The following STARD3 variants were observed in gnomAD, a reference collection of about 807,000 sequenced individuals.
The protein encoded by STARD3 is StAR related lipid transfer domain containing 3, also known as stAR-related lipid transfer protein 3.
Under a neutral mutation model 62.0 loss-of-function variants are expected in STARD3, and 39 were observed. That is an observed-to-expected ratio of 0.63 (90% confidence interval 0.49 to 0.82). STARD3 has a LOEUF of 0.82. STARD3 is among the 40% of genes least tolerant of loss of function. The probability of loss-of-function intolerance (pLI) is 0.00; values close to 1 mark genes in which losing one functional copy is unlikely to be tolerated. For synonymous variants in STARD3, 229 were observed against 242.4 expected (o/e 0.94, Z 0.51); for missense variants, 543 against 584.5 (o/e 0.93, Z 0.73).
chr17:39,654,158 G>A (rs2057104735), intron 2 of STARD3, among the ~76,000 whole-genome samples: 1 of 135,106 alleles, frequency 7.4e-6, no homozygotes. Context: ...TCATTCATTC[G>A]TTTGTTCGAT....
Position 39,657,869 on chromosome 17 carries a change from C to T in STARD3, c.375+17C>T, listed in dbSNP as rs2057147053. The T allele has an allele frequency of 1.2e-6, 2 of 1,614,204 alleles. No homozygotes were observed. The highest frequency in any genetic ancestry group is 4.5e-5 in the East Asian group (2 of 44,878). On this transcript the variant is annotated intron_variant, in intron 4 of 14. Coordinates refer to ENST00000336308, the MANE Select transcript of STARD3 (RefSeq NM_006804.4). ...GTGATTGCGGTAAGATGCCACTTTC[C>T]TGGCAGCTTCTGGGCCCTGGCAGGG... is the stretch of plus-strand genomic sequence containing the variant.
At chr17:39,648,296 A>G (rs780808075) in intron 1 of STARD3, among the ~76,000 whole-genome samples, 24 of 152,092 alleles carry the variant, frequency 1.6e-4, no homozygotes, top group Middle Eastern at 3.4e-3. Flanking sequence ...CAAAAAATTA[A>G]TAAAAAATAA....
At chr17:39,639,617 G>A (rs893195988) in intron 1 of STARD3, among the ~76,000 whole-genome samples, 1 of 152,234 alleles carries the variant, frequency 6.6e-6, no homozygotes, top group African/African-American at 2.4e-5. Flanking sequence ...GACAGAGGCA[G>A]CGTCCTTTGC....
Position 39,653,568 on chromosome 17 carries a change from G to A in STARD3, c.37G>A (p.Glu13Lys). The A allele has an allele frequency of 6.2e-7, 1 of 1,607,994 alleles. No individual in the cohort carries two copies. Among genetic ancestry groups the A allele is most frequent in the South Asian group, 1.1e-5 (1 of 91,084 alleles). The change falls in exon 2 of 15, where the codon GAG (glutamate) becomes AAG (lysine). Residue 13 changes from glutamate (E) to lysine (K), a missense_variant. Transcript: ENST00000336308. ...GCCCAGGGAGCTGACCCGAGACTTG[G>A]AGCGCAGCCTGCCTGCCGTGGCCTC... ...KLPRELTRDL[E>K]RSLPAVASLG...
intron 1 of STARD3, among the ~76,000 whole-genome samples, chr17:39,649,071 C>T (rs2057053233): frequency 1.3e-5 from 2 of 152,032 alleles, no homozygotes; most frequent in South Asian, 4.1e-4. Context: ...GTGGGAGAGA[C>T]TGATGGGAGT....
At position 39,662,314 on chromosome 17, in the gene STARD3, C is replaced by T. The variant is rs774571628; in HGVS notation, c.1203C>T (p.Thr401=). 9 of 1,613,890 alleles carry T rather than the reference C, an allele frequency of 5.6e-6. No individual in the cohort carries two copies. In the Admixed American group the frequency reaches 1.3e-4, roughly 24 times the overall value. ...LKSASNPRVC[T]FVWILNTDLK... The stretch of plus-strand genomic sequence containing the variant: ...CGGCCAGTAACCCCCGTGTTTGCAC[C>T]TTTGTCTGGATTCTTAATACAGATC... Residue 401 remains threonine, a synonymous_variant, in exon 14 of 15, where the codon ACC becomes ACT. Coordinates refer to ENST00000336308, the MANE Select transcript of STARD3 (RefSeq NM_006804.4).
Position 39,660,607 on chromosome 17 carries a change from C to G in STARD3, c.954+81C>G. The G allele has an allele frequency of 6.7e-7, 1 of 1,493,286 alleles. No homozygotes were observed. The highest frequency in any genetic ancestry group is 9.3e-7 in the Non-Finnish European group (1 of 1,074,278). The allele number at this position is 1,493,286 out of a possible 1,614,324, so 92.5% of individuals were successfully genotyped here. On this transcript the variant is annotated intron_variant, in intron 11 of 14. Transcript: ENST00000336308. The surrounding 1 kb of genome is among the most constrained non-coding windows in gnomAD (Gnocchi z 4.8). The stretch of plus-strand genomic sequence containing the variant: ...GTGGGATCACTGAAGCACTCAGCGC[C>G]TCAGCTGCCCCATCTGTACAGTGGG...
intron 13 of STARD3, chr17:39,661,398 G>A: frequency 2.5e-6 from 1 of 404,326 alleles, no homozygotes; most frequent in South Asian, 2.7e-5. Flanking sequence ...TGCTCACTCT[G>A]GGCTGATTGA....
chr17:39,655,677 A>G (rs1363761250), intron 2 of STARD3, among the ~76,000 whole-genome samples: 1 of 152,210 alleles, frequency 6.6e-6, no homozygotes, highest in African/African-American at 2.4e-5. Flanking sequence ...CAGACATTTA[A>G]TTAAAATTGT....
At chr17:39,650,642 TAA>T (rs35201559) in intron 1 of STARD3, among the ~76,000 whole-genome samples, 1 of 151,762 alleles carries the variant, frequency 6.6e-6, no homozygotes. Context: ...CCCTCGTCTC[TAA>T]AAAAAATAAA....
Position 39,660,285 on chromosome 17 carries a change from G to C in STARD3, c.858+12G>C, listed in dbSNP as rs368538585. ...CGTTTATCCTGAAGGTGAGTGAGGG[G>C]AGCGGGTGTCCTGGAGCCCCAGACA... is the stretch of plus-strand genomic sequence containing the variant. On this transcript the variant is annotated intron_variant, in intron 10 of 14. Transcript: ENST00000336308. This position sits in a 1 kb window ranked among gnomAD's most constrained non-coding sequence, Gnocchi z 4.8. 1.3e-5 allele frequency: 21 copies of C among 1,613,928 alleles called. No homozygotes were observed. In the East Asian group the frequency reaches 4.5e-4, roughly 34 times the overall value.
intron 1 of STARD3, among the ~76,000 whole-genome samples, chr17:39,646,786 C>T (rs1024876746): frequency 5.9e-5 from 9 of 152,182 alleles, no homozygotes; most frequent in African/African-American, 2.2e-4. Context: ...GAAGAGAAGG[C>T]CTGGAAAGCG....
chr17:39,663,004 C>G lies in STARD3; in HGVS notation c.*96C>G. ...TGGGCTCGCACTGCCCACATGGGAC[C>G]TGGCCCCAGGCTGTCACCCTCCACC... On this transcript the variant is annotated 3_prime_UTR_variant, in exon 15 of 15. Coordinates refer to ENST00000336308, the MANE Select transcript of STARD3 (RefSeq NM_006804.4). 1.6e-6 allele frequency: 2 copies of G among 1,230,252 alleles called. No homozygotes were observed. The highest frequency in any genetic ancestry group is 2.2e-6 in the Non-Finnish European group (2 of 892,890). 76.2% of individuals were successfully genotyped at this position (1,230,252 alleles called of 1,614,324 possible).
chr17:39,660,367 G>A lies in STARD3; in HGVS notation c.859-64G>A. The stretch of plus-strand genomic sequence containing the variant: ...CCCTCTGGTGGGTGCCCCCCACCAA[G>A]AGGGAAGGGTTGGTCTGCCCGAGCC... On this transcript the variant is annotated intron_variant, in intron 10 of 14. Transcript: ENST00000336308. This position sits in a 1 kb window ranked among gnomAD's most constrained non-coding sequence, Gnocchi z 4.8. The A allele has an allele frequency of 6.2e-7, 1 of 1,610,880 alleles. No homozygotes were observed. Among genetic ancestry groups the A allele is most frequent in the Non-Finnish European group, 8.5e-7 (1 of 1,177,666 alleles).
rs1157308111 is a variant in STARD3 at position 39,662,962 on chromosome 17, C to T, written c.*54C>T. On this transcript the variant is annotated 3_prime_UTR_variant, in exon 15 of 15. Transcript: ENST00000336308. ...GGTCCTGTCGCCACCACTTCCAGAG[C>T]CAGAAAGGGTGCCAGTTGGGCTCGC... The T allele has an allele frequency of 3.2e-6, 5 of 1,541,550 alleles. No homozygotes were observed. The highest frequency in any genetic ancestry group is 4.4e-6 in the Non-Finnish European group (5 of 1,135,796).
intron 3 of STARD3, 102 bp downstream of exon 3, chr17:39,657,187 A>C: frequency 8.6e-7 from 1 of 1,168,164 alleles, no homozygotes; most frequent in Admixed American, 1.8e-5. Context: ...CAGTCTGATC[A>C]GAGACTCGGC....
intron 1 of STARD3, among the ~76,000 whole-genome samples, chr17:39,643,340 A>G (rs1052577617): frequency 6.6e-6 from 1 of 152,156 alleles, no homozygotes; most frequent in Non-Finnish European, 1.5e-5. Context: ...CCAGCCTGTC[A>G]TGGGGGAAGG....
chr17:39,648,353 G>T (rs553721029), intron 1 of STARD3, among the ~76,000 whole-genome samples: 3 of 152,308 alleles, frequency 2.0e-5, no homozygotes, highest in African/African-American at 7.2e-5. Context: ...TGTGGTCCCA[G>T]TTACTCGGGA....
At chr17:39,661,750 T>G (rs2057201198) in intron 13 of STARD3, among the ~76,000 whole-genome samples, 1 of 152,220 alleles carries the variant, frequency 6.6e-6, no homozygotes, top group South Asian at 2.1e-4. Context: ...GGAAGCTCAC[T>G]TCCTCTCTGG....
Sources: allele counts gnomAD v4.1 joint callset (sites outside exome capture counted in the v4.1 genomes callset), GRCh38; gene constraint gnomAD v4.1.1; non-coding constraint Gnocchi (gnomAD v3.1); transcripts MANE v1.5; gene names NCBI Gene and HGNC (gene_info 2026-07-23, HGNC 2026-07-21).